Variants in VPS53 observed in about 807,000 individuals in gnomAD.
VPS53 encodes VPS53 subunit of GARP complex, also known as vacuolar protein sorting-associated protein 53 homolog.
Under a neutral mutation model 107.0 loss-of-function variants are expected in VPS53, and 70 were observed. That is an observed-to-expected ratio of 0.65 (90% CI 0.54 to 0.80). The LOEUF (loss-of-function observed/expected upper bound fraction) is 0.80, where lower values mean the gene tolerates loss of function less well. VPS53 is among the 30% of genes least tolerant of loss of function. The pLI is 0.00. For synonymous variants in VPS53, 409 were observed against 393.3 expected, an observed-to-expected ratio of 1.04 and a Z score of -0.47; for missense variants, 917 against 1,049.4, an observed-to-expected ratio of 0.87 and a Z score of 1.74.
At chr17:661,092 G>C (rs1971417301) in intron 5 of VPS53, among the ~76,000 whole-genome samples, 1 of 151,938 alleles carries the variant, frequency 6.6e-6, no homozygotes, top group South Asian at 2.1e-4. Context: ...CCTCCTCCCG[G>C]CTCCAGGACC....
chr17:603,963 G>T (rs369060557), intron 11 of VPS53, among the ~76,000 whole-genome samples: 1 of 152,200 alleles, frequency 6.6e-6, no homozygotes, highest in East Asian at 1.9e-4. Context: ...GTTGAGCTGA[G>T]TCACTATGAT....
intron 13 of VPS53, among the ~76,000 whole-genome samples, chr17:575,233 G>C (rs141379368): frequency 6.6e-6 from 1 of 152,352 alleles, no homozygotes; most frequent in East Asian, 1.9e-4. Context: ...CATAGAAGCA[G>C]TCCATAAAAT....
chr17:572,351 C>T (rs1442932722), intron 13 of VPS53, among the ~76,000 whole-genome samples: 5 of 150,918 alleles, frequency 3.3e-5, no homozygotes, highest in Non-Finnish European at 5.9e-5. Flanking sequence ...GCCCGGCAGC[C>T]GCCCCGTCTG....
In VPS53 at chr17:519,307, G is replaced by GA; in HGVS notation, c.2329-10dup. Reference sequence around the variant, plus strand: ...TCACTCCTCTTCAGCCCCTGAGGTTGAGAGAGAAACAGAACCGTCACGAAG... The same window carrying GA: ...TCACTCCTCTTCAGCCCCTGAGGTTGAAGAGAGAAACAGAACCGTCACGAAG... On this transcript the variant is annotated splice_polypyrimidine_tract_variant and intron_variant, in intron 21 of 21. Coordinates refer to ENST00000437048, the MANE Select transcript of VPS53 (RefSeq NM_001128159.3). The surrounding 1 kb of genome is among the most constrained non-coding windows in gnomAD (Gnocchi z 5.0). 1 of 1,470,886 alleles carries GA rather than the reference G, an allele frequency of 6.8e-7. No homozygotes were observed. The highest frequency in any genetic ancestry group is 9.0e-7 in the Non-Finnish European group (1 of 1,109,630). 91.1% of individuals were successfully genotyped at this position (1,470,886 alleles called of 1,614,324 possible).
At chr17:557,840 C>G (rs947262990) in intron 15 of VPS53, among the ~76,000 whole-genome samples, 4 of 146,636 alleles carry the variant, frequency 2.7e-5, no homozygotes, top group Admixed American at 1.4e-4. Context: ...GAAAGACATT[C>G]TTTGTAAGGA....
At chr17:604,618 A>AT (rs921920152) in intron 11 of VPS53, among the ~76,000 whole-genome samples, 12 of 152,118 alleles carry the variant, frequency 7.9e-5, no homozygotes, top group African/African-American at 2.7e-4. Context: ...TAATTTTTGT[A>AT]TTTTTTGTAG....
intron 13 of VPS53, among the ~76,000 whole-genome samples, chr17:568,864 A>T (rs1374593136): frequency 6.6e-6 from 1 of 152,230 alleles, no homozygotes; most frequent in Non-Finnish European, 1.5e-5. Flanking sequence ...ATATAGAAGC[A>T]GGTGCACACA....
At chr17:607,543 C>T (rs535322648) in intron 11 of VPS53, among the ~76,000 whole-genome samples, 7 of 152,292 alleles carry the variant, frequency 4.6e-5, no homozygotes, top group African/African-American at 1.7e-4. Context: ...TGCTAAGAGC[C>T]ACACAGATCA....
intron 1 of VPS53, among the ~76,000 whole-genome samples, chr17:713,733 C>G (rs1434765155): frequency 6.6e-6 from 1 of 151,510 alleles, no homozygotes; most frequent in African/African-American, 2.4e-5. Context: ...AATAAACTTG[C>G]AAAGGCAAGA....
chr17:601,355 A>G (rs541853850), intron 12 of VPS53, among the ~76,000 whole-genome samples: 16 of 152,334 alleles, frequency 1.1e-4, no homozygotes, highest in South Asian at 2.1e-4. Context: ...GGCCTCCCCA[A>G]TGGCTTCCAG....
intron 11 of VPS53, among the ~76,000 whole-genome samples, chr17:603,617 T>C (rs1968423950): frequency 6.6e-6 from 1 of 152,164 alleles, no homozygotes; most frequent in South Asian, 2.1e-4. Context: ...TAGCTCGAGG[T>C]AATCAGTAGT....
At chr17:587,849 C>A (rs191402574) in intron 12 of VPS53, among the ~76,000 whole-genome samples, 5 of 152,114 alleles carry the variant, frequency 3.3e-5, no homozygotes, top group African/African-American at 1.2e-4. Context: ...TAAAAACCCA[C>A]TTTATTGAGG....
chr17:552,237 T>C (rs1222451870), intron 16 of VPS53, among the ~76,000 whole-genome samples: 1 of 152,212 alleles, frequency 6.6e-6, no homozygotes, highest in Non-Finnish European at 1.5e-5. Context: ...CAAAAATGTT[T>C]AAGTCAGAAC....
At chr17:578,831 C>T (rs1597331984) in intron 13 of VPS53, among the ~76,000 whole-genome samples, 1 of 150,494 alleles carries the variant, frequency 6.6e-6, no homozygotes, top group African/African-American at 2.4e-5. Context: ...ACCAGAAAAC[C>T]TCCCGCAGGA....
intron 18 of VPS53, 43 bp from the exon 19 acceptor site, chr17:532,954 T>C: frequency 6.3e-7 from 1 of 1,593,710 alleles, no homozygotes; most frequent in South Asian, 1.1e-5. Context: ...TATTCTCTCT[T>C]GAGGAAAGAA....
chr17:703,360 C>A (rs376913786), intron 2 of VPS53, among the ~76,000 whole-genome samples: 6 of 138,384 alleles, frequency 4.3e-5, no homozygotes, highest in Admixed American at 2.9e-4. Flanking sequence ...CTTACTCTAG[C>A]ATCTACCTCT....
rs200784259 is a variant in VPS53 at position 627,307 on chromosome 17, G to A, written c.841C>T (p.Leu281=). ...GCATAGCGTCTGTCGATTTTGTCCA[G>A]CCAGGCAACCTGGTGAAGGTGGAGA... ...LFQENQDVAW[L]DKIDRRYAWI... is the part of the protein sequence containing the mutation. Residue 281 remains leucine (L), a synonymous_variant, in exon 10 of 22, where the codon CTG becomes TTG. Transcript: ENST00000437048. 1.2e-6 allele frequency: 2 copies of A among 1,613,314 alleles called. No individual in the cohort carries two copies. The highest frequency in any genetic ancestry group is 1.3e-5 in the African/African-American group (1 of 75,026).
chr17:662,771 A>AAGAAAGAAAGAAAGAAAGAG (rs1971501095), intron 4 of VPS53, among the ~76,000 whole-genome samples: 1 of 86,268 alleles, frequency 1.2e-5, no homozygotes, highest in Non-Finnish European at 2.6e-5. Context: ...GAAAGAAAGA[A>AAGAAAGAAAGAAAGAAAGAG]AGAGAAAGAA....
chr17:598,598 C>T (rs1003321525), intron 12 of VPS53, among the ~76,000 whole-genome samples: 12 of 148,284 alleles, frequency 8.1e-5, no homozygotes, highest in Admixed American at 5.4e-4. Context: ...ATGTGGGGAG[C>T]GCCTCTGCCC....
Sources: gnomAD v4.1 joint callset for allele counts (sites outside exome capture counted in the v4.1 genomes callset) on GRCh38, gnomAD v4.1.1 for gene constraint, Gnocchi (gnomAD v3.1) non-coding constraint, MANE v1.5 for transcripts, NCBI Gene and HGNC (gene_info 2026-07-23, HGNC 2026-07-21) for gene names.